MIGA1: variants seen among roughly 807,000 people sequenced by gnomAD.
MIGA1 encodes the protein family with sequence similarity 73, member A.
In MIGA1, 58 loss-of-function variants were observed where a neutral mutation model predicts 82.0. The observed-to-expected ratio is 0.71, with a 90% confidence interval of 0.57 to 0.88. MIGA1 has a LOEUF of 0.88. MIGA1 is among the 40% of genes least tolerant of loss of function. MIGA1 has a pLI of 0.00. For missense variants in MIGA1, 751 were observed against 749.1 expected (o/e 1.00, Z -0.03); for synonymous variants, 249 against 253.6 (o/e 0.98, Z 0.17).
chr1:77,854,973 C>T (rs190007663), intron 8 of MIGA1, among the ~76,000 whole-genome samples: 1 of 152,270 alleles, frequency 6.6e-6, no homozygotes, highest in East Asian at 1.9e-4. Flanking sequence ...CTTGCCTAAG[C>T]CAATGTCTAG....
Position 77,792,983 on chromosome 1 carries a change from G to A in MIGA1, c.196-8348G>A, listed in dbSNP as rs191371662. Among the ~76,000 whole-genome samples the A allele has an allele frequency of 6.1e-4, 92 of 152,032 alleles. 1 individual carries two copies. The highest frequency in any genetic ancestry group is 3.7e-3 in the South Asian group (18 of 4,822). ...TTTTTGTATTTTTAGTAGAGACGGG[G>A]TTTTACCACGTTGGCCAGCCTGGTC... On this transcript the variant is annotated intron_variant, in intron 2 of 15. Coordinates refer to ENST00000370791, the MANE Select transcript of MIGA1 (RefSeq NM_198549.4).
chr1:77,787,148 A>G (rs895488350), intron 2 of MIGA1, among the ~76,000 whole-genome samples: 3 of 152,174 alleles, frequency 2.0e-5, no homozygotes, highest in African/African-American at 7.2e-5. Flanking sequence ...ATGCGCTGTC[A>G]TGAGAACAGC....
In MIGA1 at chr1:77,843,323, C is replaced by A. The variant is rs772560083; in HGVS notation, c.912C>A (p.Ile304=). The A allele has an allele frequency of 6.2e-7, 1 of 1,612,450 alleles. No homozygotes were observed. Among genetic ancestry groups the A allele is most frequent in the Non-Finnish European group, 8.5e-7 (1 of 1,178,586 alleles). ...ACTTTTAAGATAAAGATACAGATATCACCATGAAGGGTAATGTGGAAGACT... is the reference window on the plus strand; with the variant it reads ...ACTTTTAAGATAAAGATACAGATATAACCATGAAGGGTAATGTGGAAGACT... The change falls in exon 8 of 16, where the codon ATC becomes ATA. Residue 304 remains isoleucine, a synonymous_variant. Coordinates refer to ENST00000370791, the MANE Select transcript of MIGA1 (RefSeq NM_198549.4).
chr1:77,850,846 ATTTC>A (rs971973014), intron 8 of MIGA1, among the ~76,000 whole-genome samples: 1 of 125,372 alleles, frequency 8.0e-6, no homozygotes, highest in African/African-American at 2.7e-5. Flanking sequence ...GACTTGTTTG[ATTTC>A]TTTCTTTCTT....
At chr1:77,841,948 A>G (rs965086907) in intron 7 of MIGA1, among the ~76,000 whole-genome samples, 1 of 121,252 alleles carries the variant, frequency 8.2e-6, no homozygotes, top group African/African-American at 3.1e-5. Context: ...ACACCTGGCT[A>G]TTTTTTTTTT....
intron 1 of MIGA1, 170 bp downstream of exon 1, chr1:77,779,906 C>T: frequency 2.1e-6 from 3 of 1,406,160 alleles, no homozygotes; most frequent in Non-Finnish European, 9.2e-7. Flanking sequence ...GGGTCTACGG[C>T]CGTGCCACCC....
intron 8 of MIGA1, chr1:77,847,221 G>C: frequency 1.7e-6 from 2 of 1,145,082 alleles, no homozygotes; most frequent in Non-Finnish European, 1.3e-6. Flanking sequence ...ATGATGATGA[G>C]ACCTCCATGA....
chr1:77,816,087 G>A (rs1384661537), intron 7 of MIGA1, among the ~76,000 whole-genome samples: 1 of 152,134 alleles, frequency 6.6e-6, no homozygotes, highest in Admixed American at 6.6e-5. Context: ...GGGATTACAG[G>A]CATGTGCCAC....
intron 8 of MIGA1, among the ~76,000 whole-genome samples, chr1:77,857,632 T>C (rs1289115240): frequency 6.6e-6 from 1 of 151,738 alleles, no homozygotes; most frequent in African/African-American, 2.4e-5. Context: ...GAGTTATGAT[T>C]GTGCCACTGC....
intron 2 of MIGA1, among the ~76,000 whole-genome samples, chr1:77,789,870 A>G (rs1682343329): frequency 6.6e-6 from 1 of 152,190 alleles, no homozygotes; most frequent in Non-Finnish European, 1.5e-5. Context: ...CAAACTAGGT[A>G]CCATGAGTCA....
At chr1:77,866,490 G>A in intron 14 of MIGA1, 99 bp downstream of exon 14, 1 of 1,055,762 alleles carries the variant, frequency 9.5e-7, no homozygotes, top group Non-Finnish European at 1.5e-6. Context: ...GGCAGCTGTA[G>A]GAGGGGTAGG....
intron 13 of MIGA1, among the ~76,000 whole-genome samples, chr1:77,865,971 G>A (rs573262520): frequency 6.6e-6 from 1 of 152,230 alleles, no homozygotes; most frequent in African/African-American, 2.4e-5. Flanking sequence ...GGAGTGCAGT[G>A]GCGCGATCTC....
chr1:77,827,345 AC>A (rs766276399), intron 7 of MIGA1, among the ~76,000 whole-genome samples: 52 of 151,992 alleles, frequency 3.4e-4, no homozygotes, highest in Non-Finnish European at 6.8e-4. Flanking sequence ...GTGTTGACTC[AC>A]GCCTGTAGTC....
At chr1:77,829,895 A>T (rs1178890404) in intron 7 of MIGA1, among the ~76,000 whole-genome samples, 1 of 56,854 alleles carries the variant, frequency 1.8e-5, no homozygotes, top group Non-Finnish European at 3.7e-5. Context: ...CCCACCCCCC[A>T]CCGTCATATG....
chr1:77,854,420 C>T (rs528342755), intron 8 of MIGA1, among the ~76,000 whole-genome samples: 2 of 152,276 alleles, frequency 1.3e-5, no homozygotes, highest in South Asian at 4.1e-4. Context: ...GATACCCAGT[C>T]GTGGGCTTGC....
intron 1 of MIGA1, 53 bp downstream of exon 1, chr1:77,779,789 A>T: frequency 6.6e-7 from 1 of 1,510,292 alleles, no homozygotes; most frequent in South Asian, 1.2e-5. Flanking sequence ...GGAAGCGGAG[A>T]GTTGAGCGGC....
chr1:77,807,352 A>G (rs984487411), intron 5 of MIGA1, among the ~76,000 whole-genome samples: 2 of 152,096 alleles, frequency 1.3e-5, no homozygotes, highest in East Asian at 3.9e-4. Context: ...TTTTGTAGAG[A>G]TGGGGTTTTG....
At chr1:77,784,139 T>G (rs1285875196) in intron 2 of MIGA1, among the ~76,000 whole-genome samples, 3 of 152,242 alleles carry the variant, frequency 2.0e-5, no homozygotes, top group Non-Finnish European at 4.4e-5. Flanking sequence ...CAAATATCTC[T>G]TTGAGATCCT....
intron 7 of MIGA1, among the ~76,000 whole-genome samples, chr1:77,842,133 A>G (rs971090530): frequency 6.6e-6 from 1 of 152,176 alleles, no homozygotes; most frequent in Non-Finnish European, 1.5e-5. Flanking sequence ...GCAGATTCAG[A>G]ATCAAAATAA....
Sources: gnomAD v4.1 joint callset for allele counts (sites outside exome capture counted in the v4.1 genomes callset) on GRCh38, gnomAD v4.1.1 for gene constraint, MANE v1.5 for transcripts, NCBI Gene and HGNC (gene_info 2026-07-23, HGNC 2026-07-21) for gene names.